TBC1D15: variants seen among roughly 807,000 people sequenced by gnomAD.
TBC1D15 encodes the protein TBC1 domain family member 15.
TBC1D15 carries 39 observed loss-of-function variants against 95.4 expected under a neutral mutation model. The ratio of observed to expected loss-of-function variants is 0.41; its 90% CI spans 0.32 to 0.53. The LOEUF (loss-of-function observed/expected upper bound fraction) is 0.53. Ranked by LOEUF, TBC1D15 falls within the 20% of genes least tolerant of loss-of-function variation. TBC1D15 has a pLI of 0.29. For missense variants in TBC1D15, 733 were observed against 794.3 expected (o/e 0.92, Z 0.93); for synonymous variants, 258 against 261.3 (o/e 0.99, Z 0.12).
At chr12:71,873,170 A>G (rs1433439731) in intron 3 of TBC1D15, among the ~76,000 whole-genome samples, 167 bp downstream of exon 3, 1 of 152,198 alleles carries the variant, frequency 6.6e-6, no homozygotes, top group African/African-American at 2.4e-5. Context: ...CTAATTTTAG[A>G]ACATTTTCAT....
chr12:71,908,665 T>C (rs1901416166), intron 11 of TBC1D15, among the ~76,000 whole-genome samples: 1 of 152,208 alleles, frequency 6.6e-6, no homozygotes, highest in Non-Finnish European at 1.5e-5. Flanking sequence ...CAGTCCTGTC[T>C]ATGAGAACCT....
chr12:71,914,989 A>C (rs1394221059), intron 12 of TBC1D15, among the ~76,000 whole-genome samples: 1 of 152,106 alleles, frequency 6.6e-6, no homozygotes, highest in Non-Finnish European at 1.5e-5. Flanking sequence ...ATACTTGGTA[A>C]GATTTGATAG....
intron 1 of TBC1D15, chr12:71,850,020 A>G: frequency 1.9e-6 from 1 of 520,220 alleles, no homozygotes; most frequent in South Asian, 1.7e-5. Context: ...TAACAAGTTG[A>G]CCCTCTCCAG....
intron 10 of TBC1D15, among the ~76,000 whole-genome samples, chr12:71,905,216 C>T (rs61924151): frequency 0.086 from 13,124 of 151,962 alleles, 639 homozygotes; most frequent in South Asian, 0.14. Context: ...GTTTAAAATA[C>T]GTATTAAGGC....
rs542999682 is a variant in TBC1D15 at position 71,883,619 on chromosome 12, A to G, written c.344-1192A>G. Among the ~76,000 whole-genome samples the G allele has an allele frequency of 8.5e-5, 13 of 152,256 alleles. No homozygotes were observed. In the South Asian group the frequency reaches 2.7e-3, roughly 32 times the overall value. On this transcript the variant is annotated intron_variant, in intron 4 of 16. Transcript: ENST00000485960. ...ACATCCATGCAGGTCAACACTGATTAATAAGTCTTCTGATCTAGTCTTGTA... is the reference window on the plus strand; with the variant it reads ...ACATCCATGCAGGTCAACACTGATTGATAAGTCTTCTGATCTAGTCTTGTA...
intron 1 of TBC1D15, among the ~76,000 whole-genome samples, chr12:71,851,312 C>T (rs1272976983): frequency 6.6e-6 from 1 of 152,060 alleles, no homozygotes; most frequent in African/African-American, 2.4e-5. Flanking sequence ...TTACCTCCCC[C>T]CAGGCCCCAC....
intron 10 of TBC1D15, among the ~76,000 whole-genome samples, chr12:71,903,341 G>A (rs1487899238): frequency 6.6e-6 from 1 of 152,148 alleles, no homozygotes; most frequent in East Asian, 1.9e-4. Context: ...TAGTCATGAT[G>A]GCTGTTACTA....
intron 3 of TBC1D15, among the ~76,000 whole-genome samples, chr12:71,877,192 A>ATGTG (rs901468386): frequency 9.9e-5 from 14 of 141,828 alleles, no homozygotes; most frequent in South Asian, 4.4e-4. Context: ...ATCCCATGTT[A>ATGTG]TGTGTGTGTG....
chr12:71,850,785 G>A (rs1887599104), intron 1 of TBC1D15, among the ~76,000 whole-genome samples: 1 of 151,974 alleles, frequency 6.6e-6, no homozygotes, highest in Admixed American at 6.6e-5. Flanking sequence ...TCAGGAGATC[G>A]AGACCATCTT....
At chr12:71,856,567 A>C (rs1889123580) in intron 1 of TBC1D15, among the ~76,000 whole-genome samples, 1 of 151,784 alleles carries the variant, frequency 6.6e-6, no homozygotes, top group East Asian at 1.9e-4. Flanking sequence ...CTTGGGATAT[A>C]TATTTTTTTC....
At chr12:71,852,158 T>C (rs183121047) in intron 1 of TBC1D15, among the ~76,000 whole-genome samples, 4 of 152,332 alleles carry the variant, frequency 2.6e-5, no homozygotes, top group South Asian at 2.1e-4. Context: ...CTATGGCTTA[T>C]AGCTTGCACC....
At chr12:71,914,866 T>G (rs7137012) in intron 12 of TBC1D15, among the ~76,000 whole-genome samples, 13,152 of 152,048 alleles carry the variant, frequency 0.086, 644 homozygotes, top group South Asian at 0.14. Flanking sequence ...CTTTCCCTTT[T>G]GCTTGCCTAT....
At chr12:71,858,619 T>TCTTG in intron 1 of TBC1D15, among the ~76,000 whole-genome samples, 1 of 148,686 alleles carries the variant, frequency 6.7e-6, no homozygotes, top group South Asian at 2.2e-4. Context: ...AGTAATGCAA[T>TCTTG]CTTGCCTCAC....
At chr12:71,883,514 T>C (rs1014150681) in intron 4 of TBC1D15, among the ~76,000 whole-genome samples, 4 of 152,200 alleles carry the variant, frequency 2.6e-5, no homozygotes, top group African/African-American at 9.6e-5. Context: ...TCCTTGCAGA[T>C]AGAGGTTTCT....
intron 10 of TBC1D15, 112 bp from the exon 11 acceptor site, chr12:71,906,910 T>C (rs1900861707): frequency 1.5e-5 from 8 of 530,672 alleles, no homozygotes; most frequent in Middle Eastern, 3.4e-4. Context: ...TAAGTAAAGC[T>C]TGGTGAGTGA....
At chr12:71,843,061 G>T (rs1464469601) in intron 1 of TBC1D15, among the ~76,000 whole-genome samples, 1 of 152,032 alleles carries the variant, frequency 6.6e-6, no homozygotes, top group Admixed American at 6.6e-5. Flanking sequence ...GAGGTGGGTG[G>T]ATTACTTGAG....
chr12:71,856,226 T>C (rs1268156284), intron 1 of TBC1D15, among the ~76,000 whole-genome samples: 1 of 152,206 alleles, frequency 6.6e-6, no homozygotes, highest in African/African-American at 2.4e-5. Flanking sequence ...TTGTAAAATA[T>C]CTCAAATTAG....
In TBC1D15 at chr12:71,872,110, G is replaced by T. The variant is rs745696070; in HGVS notation, c.71G>T (p.Cys24Phe). 3.2e-6 allele frequency: 5 copies of T among 1,574,236 alleles called. No individual in the cohort carries two copies. The highest frequency in any genetic ancestry group is 4.3e-6 in the Non-Finnish European group (5 of 1,162,854). The change falls in exon 2 of 17, where the codon TGT becomes TTT. Residue 24 changes from cysteine to phenylalanine, a missense_variant. Physicochemically the swap from Cys to Phe is radical, Grantham distance 205. Transcript: ENST00000485960. ...EQEGVYIHSS[C>F]GKTNDQDGLI... ...GAAGGAGTATATATTCACTCATCTT[G>T]TGGAAAGACCAATGACCAAGACGGC...
chr12:71,904,263 A>G (rs917579551), intron 10 of TBC1D15, among the ~76,000 whole-genome samples: 6 of 152,234 alleles, frequency 3.9e-5, no homozygotes, highest in African/African-American at 1.4e-4. Context: ...GCATAGAGGA[A>G]TAAGGAGATC....
Sources: gnomAD v4.1 joint callset for allele counts (sites outside exome capture counted in the v4.1 genomes callset) on GRCh38, gnomAD v4.1.1 for gene constraint, MANE v1.5 for transcripts, NCBI Gene and HGNC (gene_info 2026-07-23, HGNC 2026-07-21) for gene names.